The following NTM variants were observed in gnomAD, a reference collection of about 807,000 sequenced individuals.
NTM encodes the protein neurotrimin, also known as IgLON family member 2.
Under a neutral mutation model 42.1 loss-of-function variants are expected in NTM, and 13 were observed. That is an observed-to-expected ratio of 0.31 (90% CI 0.20 to 0.49). The LOEUF is 0.49. Among genes scored for constraint, NTM ranks in the 20% least tolerant of loss-of-function variants. The pLI is 0.99. For missense variants in NTM, 373 were observed against 452.8 expected, an observed-to-expected ratio of 0.82 and a Z score of 1.60; for synonymous variants, 187 against 179.2, an observed-to-expected ratio of 1.04 and a Z score of -0.35.
At chr11:131,864,957 G>A (rs1358960721) in intron 1 of NTM, among the ~76,000 whole-genome samples, 3 of 152,216 alleles carry the variant, frequency 2.0e-5, no homozygotes, top group African/African-American at 4.8e-5. Flanking sequence ...TGGGAAAGAG[G>A]AAAGCTTGGC....
intron 1 of NTM, among the ~76,000 whole-genome samples, chr11:131,605,414 C>T (rs1280347464): frequency 6.6e-6 from 1 of 152,202 alleles, no homozygotes; most frequent in Non-Finnish European, 1.5e-5. Flanking sequence ...GTACCCCGCA[C>T]ATTTACTGAA....
chr11:131,552,347 C>G (rs1224876003), intron 1 of NTM, among the ~76,000 whole-genome samples: 1 of 152,134 alleles, frequency 6.6e-6, no homozygotes, highest in Non-Finnish European at 1.5e-5. Flanking sequence ...TTAAGATATG[C>G]ATGCCATATG....
chr11:132,247,683 C>T (rs374703119), intron 4 of NTM, among the ~76,000 whole-genome samples: 43 of 152,074 alleles, frequency 2.8e-4, no homozygotes, highest in Middle Eastern at 3.2e-3. Context: ...ATCCTGGATT[C>T]GGGGATAAGA....
Position 132,085,397 on chromosome 11 carries a change from C to T in NTM, c.168-60885C>T, listed in dbSNP as rs181724393. 1.3e-3 allele frequency among the ~76,000 whole-genome samples: 204 copies of T among 152,288 alleles called. 1 individual carries two copies. The highest frequency in any genetic ancestry group is 1.6e-3 in the Non-Finnish European group (107 of 68,026). On this transcript the variant is annotated intron_variant, in intron 2 of 8. Coordinates refer to ENST00000683400, the MANE Select transcript of NTM (RefSeq NM_001352005.2). ...GAAGGGTGTGGTTAATTCCATATAT[C>T]CCCAGGCCTTAACAATTGTGAAGCA... is the stretch of plus-strand genomic sequence containing the variant.
intron 2 of NTM, among the ~76,000 whole-genome samples, chr11:131,922,871 G>T (rs1200634227): frequency 1.3e-5 from 2 of 152,152 alleles, no homozygotes; most frequent in Non-Finnish European, 1.5e-5. Context: ...GCCTATGTAA[G>T]CCTCATACCA....
chr11:132,262,117 C>T (rs187409567), intron 4 of NTM, among the ~76,000 whole-genome samples: 4 of 152,334 alleles, frequency 2.6e-5, no homozygotes, highest in Admixed American at 2.6e-4. Context: ...GGCATTGTGC[C>T]TGTAGCTGGT....
At chr11:131,789,181 C>T (rs897903307) in intron 1 of NTM, among the ~76,000 whole-genome samples, 83 of 151,652 alleles carry the variant, frequency 5.5e-4, no homozygotes, top group African/African-American at 2.0e-3. Flanking sequence ...CCTGTGTTGC[C>T]GATGATTCTA....
At chr11:131,696,556 C>T (rs1332320282) in intron 1 of NTM, among the ~76,000 whole-genome samples, 3 of 152,104 alleles carry the variant, frequency 2.0e-5, no homozygotes, top group Non-Finnish European at 2.9e-5. Context: ...CCTTTTCTTT[C>T]GTACACCCTG....
intron 1 of NTM, among the ~76,000 whole-genome samples, chr11:131,622,244 G>T (rs1018044244): frequency 2.0e-5 from 3 of 152,160 alleles, no homozygotes; most frequent in Admixed American, 6.5e-5. Context: ...GTGACCTGAC[G>T]GGTACCCGTG....
chr11:132,218,198 G>C (rs551636216), intron 4 of NTM, among the ~76,000 whole-genome samples: 6 of 152,162 alleles, frequency 3.9e-5, no homozygotes, highest in Non-Finnish European at 5.9e-5. Context: ...AGCTGGGGAG[G>C]GGAGAAGAGG....
At chr11:131,937,673 A>G (rs1045452054) in intron 2 of NTM, among the ~76,000 whole-genome samples, 3 of 152,234 alleles carry the variant, frequency 2.0e-5, no homozygotes, top group African/African-American at 7.2e-5. Flanking sequence ...GGTGTATTCT[A>G]CACTTAATGC....
At chr11:131,985,663 C>G (rs577341656) in intron 2 of NTM, among the ~76,000 whole-genome samples, 1 of 152,190 alleles carries the variant, frequency 6.6e-6, no homozygotes, top group South Asian at 2.1e-4. Context: ...GAAAAAGTTA[C>G]GAAGGGCCCG....
chr11:131,540,943 C>T (rs188781317), intron 1 of NTM: 41 of 152,326 alleles, frequency 2.7e-4, no homozygotes, highest in Admixed American at 2.5e-3. Context: ...TCACTGCCAG[C>T]CCCCTTGAGT....
chr11:132,125,493 G>A (rs919257147), intron 2 of NTM, among the ~76,000 whole-genome samples: 4 of 84,126 alleles, frequency 4.8e-5, no homozygotes, highest in African/African-American at 8.9e-5. Flanking sequence ...TCTGTGATGC[G>A]TGTGTGGTGT....
chr11:132,066,039 G>C lies in NTM; in HGVS notation c.168-80243G>C, dbSNP rs11828462. Reference sequence around the variant, plus strand: ...AGACCAGTTGTATTCAATATTTTTAGTTCTCCATGTCTCCCATGAAGCACA... The same window carrying C: ...AGACCAGTTGTATTCAATATTTTTACTTCTCCATGTCTCCCATGAAGCACA... On this transcript the variant is annotated intron_variant, in intron 2 of 8. Transcript: ENST00000683400. Among the ~76,000 whole-genome samples, 790 of 152,144 alleles carry C rather than the reference G, an allele frequency of 5.2e-3. 6 individuals are homozygous for C. Among genetic ancestry groups the C allele is most frequent in the African/African-American group, 0.016 (678 of 41,464 alleles).
chr11:132,221,968 C>T (rs901386949), intron 4 of NTM, among the ~76,000 whole-genome samples: 1 of 152,196 alleles, frequency 6.6e-6, no homozygotes, highest in African/African-American at 2.4e-5. Flanking sequence ...CATGTCTATT[C>T]TCTGGTTTCA....
chr11:131,461,889 A>G (rs1951416850), intron 1 of NTM, among the ~76,000 whole-genome samples: 1 of 152,230 alleles, frequency 6.6e-6, no homozygotes, highest in Non-Finnish European at 1.5e-5. Flanking sequence ...AGGGACATTC[A>G]AATTAAACAT....
Position 132,143,168 on chromosome 11 carries a change from A to C in NTM, c.168-3114A>C, listed in dbSNP as rs1407130429. Among the ~76,000 whole-genome samples, 3 of 152,242 alleles carry C rather than the reference A, an allele frequency of 2.0e-5. No homozygotes were observed. In the East Asian group the frequency reaches 5.8e-4, roughly 29 times the overall value. On this transcript the variant is annotated intron_variant, in intron 2 of 8. Transcript: ENST00000683400. ...CTGTTTCATACCAGGGTCCTTTCCT[A>C]GTGCCTATTCACTCTGCAACTCTCA...
At chr11:131,688,725 C>G (rs113224861) in intron 1 of NTM, among the ~76,000 whole-genome samples, 1 of 152,164 alleles carries the variant, frequency 6.6e-6, no homozygotes, top group East Asian at 1.9e-4. Context: ...GGGGGTGATG[C>G]GTGTGTGGAA....
Sources: allele counts gnomAD v4.1 joint callset (sites outside exome capture counted in the v4.1 genomes callset), GRCh38; gene constraint gnomAD v4.1.1; transcripts MANE v1.5; gene names NCBI Gene and HGNC (gene_info 2026-07-23, HGNC 2026-07-21).